ACSL5: variants seen among roughly 807,000 people sequenced by gnomAD.
ACSL5 encodes the protein long-chain-fatty-acid--CoA ligase 5.
Under a neutral mutation model 84.9 loss-of-function variants are expected in ACSL5, and 50 were observed. That is an observed-to-expected ratio of 0.59 (90% CI 0.47 to 0.75). ACSL5 has a LOEUF of 0.75. ACSL5 is among the 30% of genes least tolerant of loss of function. The pLI, the probability that ACSL5 is intolerant of heterozygous loss-of-function variation, is 0.00. For missense variants in ACSL5, 775 were observed against 830.4 expected (o/e 0.93, Z 0.82); for synonymous variants, 280 against 300.7 (o/e 0.93, Z 0.71).
At chr10:112,390,229 T>C (rs1849529946) in intron 1 of ACSL5, among the ~76,000 whole-genome samples, 1 of 152,036 alleles carries the variant, frequency 6.6e-6, no homozygotes, top group African/African-American at 2.4e-5. Flanking sequence ...AAGACTTGAG[T>C]AGACATTTCT....
At chr10:112,395,130 G>A (rs767058040) in intron 2 of ACSL5, 28 bp downstream of exon 2, 2 of 1,601,726 alleles carry the variant, frequency 1.2e-6, no homozygotes, top group Non-Finnish European at 1.7e-6. Flanking sequence ...CTTTTAGTTT[G>A]TCAACCTTCC....
chr10:112,412,736 A>T (rs536457781), intron 11 of ACSL5: 1 of 153,760 alleles, frequency 6.5e-6, no homozygotes, highest in Admixed American at 6.5e-5. Flanking sequence ...AAATCTTAAA[A>T]AATATTTTAA....
intron 5 of ACSL5, chr10:112,406,595 T>C (rs1467832874): frequency 6.6e-6 from 1 of 152,256 alleles, no homozygotes; most frequent in African/African-American, 2.4e-5. Flanking sequence ...GTCTTCAAGC[T>C]TGCTAATGTG....
At chr10:112,409,712 C>T (rs1225461816) in intron 7 of ACSL5, 27 bp downstream of exon 7, 1 of 1,609,652 alleles carries the variant, frequency 6.2e-7, no homozygotes, top group East Asian at 2.2e-5. Context: ...TAGCTTGCAG[C>T]TCCAATGCTT....
At chr10:112,384,488 T>C (rs1849411571) in intron 1 of ACSL5, among the ~76,000 whole-genome samples, 1 of 152,136 alleles carries the variant, frequency 6.6e-6, no homozygotes, top group African/African-American at 2.4e-5. Flanking sequence ...GTCTTTTTCT[T>C]GTTTTTTTGT....
chr10:112,384,454 G>A (rs148607767), intron 1 of ACSL5, among the ~76,000 whole-genome samples: 515 of 152,248 alleles, frequency 3.4e-3, no homozygotes, highest in Non-Finnish European at 5.9e-3. Context: ...AAGAAATCCA[G>A]TCATGATTTC....
At chr10:112,425,988 A>T (rs2133688070) in intron 18 of ACSL5, among the ~76,000 whole-genome samples, 1 of 152,272 alleles carries the variant, frequency 6.6e-6, no homozygotes, top group Middle Eastern at 3.4e-3. Context: ...ACAAGGGGAG[A>T]GTTGACATGG....
At chr10:112,421,833 C>T in intron 15 of ACSL5, 114 bp from the exon 16 acceptor site, 3 of 1,333,674 alleles carry the variant, frequency 2.2e-6, no homozygotes, top group Non-Finnish European at 3.2e-6. Flanking sequence ...GCATTGGTGC[C>T]AGGTGATTTT....
intron 1 of ACSL5, chr10:112,376,167 C>A (rs1361343637): frequency 4.2e-6 from 5 of 1,190,298 alleles, no homozygotes; most frequent in Non-Finnish European, 5.9e-6. Context: ...CTGGTCAGAA[C>A]ACTTCCACTT....
chr10:112,398,608 T>A (rs1206491200), intron 2 of ACSL5, among the ~76,000 whole-genome samples: 1 of 152,086 alleles, frequency 6.6e-6, no homozygotes, highest in Admixed American at 6.6e-5. Context: ...TTTCATCCTG[T>A]TGGTCAGGCT....
chr10:112,378,455 C>T (rs1849285711), intron 1 of ACSL5, among the ~76,000 whole-genome samples: 1 of 151,976 alleles, frequency 6.6e-6, no homozygotes, highest in African/African-American at 2.4e-5. Context: ...CCATATTGGC[C>T]AGGCTGGTCT....
At chr10:112,426,927 G>A (rs1844747767) in intron 20 of ACSL5, 68 bp downstream of exon 20, 1 of 1,310,692 alleles carries the variant, frequency 7.6e-7, no homozygotes, top group Non-Finnish European at 1.1e-6. Context: ...TCCATCTAAT[G>A]AGGTTTAAAT....
intron 1 of ACSL5, chr10:112,376,184 G>T (rs1849234378): frequency 2.8e-5 from 38 of 1,350,384 alleles, no homozygotes; most frequent in Non-Finnish European, 3.7e-5. Context: ...ACTTTCAGTT[G>T]TGAAAAAAAA....
intron 10 of ACSL5, among the ~76,000 whole-genome samples, 185 bp downstream of exon 10, chr10:112,411,714 G>T (rs374251236): frequency 6.6e-6 from 1 of 152,072 alleles, no homozygotes; most frequent in East Asian, 1.9e-4. Flanking sequence ...ATTTTCAAGC[G>T]TTGGTCTTTT....
rs535756426 is a variant in ACSL5, at chr10:112,378,362, T to C, written c.-30+4093T>C. Reference sequence around the variant, plus strand: ...CCCCAGTTCAAGCAATTCTCCTGCCTCAGCCTCCTGAGTAGCTGGGATTAC... The same window carrying C: ...CCCCAGTTCAAGCAATTCTCCTGCCCCAGCCTCCTGAGTAGCTGGGATTAC... On this transcript the variant is annotated intron_variant, in intron 1 of 20. Coordinates refer to ENST00000354655, the MANE Select transcript of ACSL5 (RefSeq NM_203379.2). Among the ~76,000 whole-genome samples the C allele has an allele frequency of 2.7e-5, 4 of 147,706 alleles. No individual in the cohort carries two copies. The South Asian group carries it at 9.1e-4, about 33-fold the overall frequency.
At chr10:112,416,332 G>A (rs1022324437) in intron 12 of ACSL5, among the ~76,000 whole-genome samples, 5 of 152,008 alleles carry the variant, frequency 3.3e-5, no homozygotes, top group African/African-American at 7.2e-5. Flanking sequence ...CTAGCTGGGC[G>A]TGGTGGCGGG....
intron 1 of ACSL5, among the ~76,000 whole-genome samples, chr10:112,384,406 A>G (rs1020123522): frequency 2.0e-5 from 3 of 152,200 alleles, no homozygotes; most frequent in African/African-American, 7.2e-5. Flanking sequence ...AAGCCCTTCA[A>G]TAGCTTTTGG....
At chr10:112,379,829 G>A (rs921365798) in intron 1 of ACSL5, among the ~76,000 whole-genome samples, 1 of 152,350 alleles carries the variant, frequency 6.6e-6, no homozygotes, top group Middle Eastern at 3.4e-3. Flanking sequence ...AAGAAAGCTT[G>A]TTGCCTGCAC....
In ACSL5 at chr10:112,427,339, A is replaced by G. The variant is rs763137516; in HGVS notation, c.2033A>G (p.Tyr678Cys). Residue 678 changes from tyrosine to cysteine, a missense_variant, in exon 21 of 21, where the codon TAT becomes TGT. Transcript: ENST00000354655. ...TTTCGGACCCAAATTGACAGCCTGT[A>G]TGAGCACATCCAGGATTAGGATAAG... ...KYFRTQIDSL[Y>C]EHIQD 2 of 1,613,414 alleles carry G rather than the reference A, an allele frequency of 1.2e-6. No homozygotes were observed. Among genetic ancestry groups the G allele is most frequent in the African/African-American group, 1.3e-5 (1 of 74,992 alleles).
Sources: gnomAD v4.1 joint callset for allele counts (sites outside exome capture counted in the v4.1 genomes callset) on GRCh38, gnomAD v4.1.1 for gene constraint, MANE v1.5 for transcripts, NCBI Gene and HGNC (gene_info 2026-07-23, HGNC 2026-07-21) for gene names.